Variants in KCNMB2 observed in about 807,000 individuals in gnomAD.
The protein encoded by KCNMB2 is potassium calcium-activated channel subfamily M regulatory beta subunit 2, also known as calcium-activated potassium channel subunit beta-2.
In KCNMB2, 9 loss-of-function variants were observed where a neutral mutation model predicts 24.5. That is an observed-to-expected ratio of 0.37 (90% CI 0.22 to 0.64). The LOEUF is 0.64. KCNMB2 is among the 30% of genes least tolerant of loss of function. The pLI, the probability that KCNMB2 is intolerant of heterozygous loss-of-function variation, is 0.63. For missense variants in KCNMB2, 226 were observed against 284.3 expected, an observed-to-expected ratio of 0.79 and a Z score of 1.47; for synonymous variants, 109 against 104.4, an observed-to-expected ratio of 1.04 and a Z score of -0.27.
intron 1 of KCNMB2, among the ~76,000 whole-genome samples, chr3:178,792,356 G>C (rs1216918809): frequency 1.3e-5 from 2 of 151,946 alleles, no homozygotes; most frequent in Non-Finnish European, 2.9e-5. Flanking sequence ...AAAATAATGG[G>C]TTATAAGATG....
chr3:178,803,994 T>C lies in KCNMB2; in HGVS notation c.-67-3349T>C, dbSNP rs536006316. Among the ~76,000 whole-genome samples the C allele has an allele frequency of 4.6e-5, 7 of 152,332 alleles. 1 individual carries two copies. The highest frequency in any genetic ancestry group is 1.7e-4 in the African/African-American group (7 of 41,580). The stretch of plus-strand genomic sequence containing the variant: ...CACATCATACTCATCTGCAGTTACA[T>C]AGGAATGGTTCTGCCAGGTTCACTC... On this transcript the variant is annotated intron_variant, in intron 1 of 4. Transcript: ENST00000452583.
chr3:178,759,402 GATATATAT>G (rs1279082295), intron 1 of KCNMB2, among the ~76,000 whole-genome samples: 2 of 12,278 alleles, frequency 1.6e-4, no homozygotes, highest in African/African-American at 4.8e-4. Context: ...TCTCCAAGAG[GATATATAT>G]ATATATATAT....
intron 2 of KCNMB2, among the ~76,000 whole-genome samples, chr3:178,817,398 G>A (rs979018704): frequency 2.0e-5 from 3 of 152,006 alleles, no homozygotes. Flanking sequence ...ACTAATTTAA[G>A]ATGAGGATAT....
chr3:178,600,980 G>A (rs538671234), intron 1 of KCNMB2, among the ~76,000 whole-genome samples: 5 of 152,212 alleles, frequency 3.3e-5, no homozygotes, highest in South Asian at 2.1e-4. Context: ...TAAAGAAAAT[G>A]TGGAACATAT....
intron 1 of KCNMB2, among the ~76,000 whole-genome samples, chr3:178,619,602 T>C (rs1718837032): frequency 6.6e-6 from 1 of 152,254 alleles, no homozygotes; most frequent in South Asian, 2.1e-4. Flanking sequence ...TATTTCTGCT[T>C]GCGACAATTA....
intron 1 of KCNMB2, among the ~76,000 whole-genome samples, chr3:178,697,000 T>C (rs1211419964): frequency 1.3e-5 from 2 of 152,136 alleles, no homozygotes; most frequent in East Asian, 3.9e-4. Context: ...TATTCTACAT[T>C]TGCTGAGGAG....
intron 1 of KCNMB2, among the ~76,000 whole-genome samples, chr3:178,734,096 C>T (rs761684362): frequency 3.3e-5 from 5 of 152,114 alleles, no homozygotes; most frequent in African/African-American, 4.8e-5. Flanking sequence ...CAGATTTTTT[C>T]AGGTTTTGAA....
intron 1 of KCNMB2, among the ~76,000 whole-genome samples, chr3:178,553,668 G>C (rs1716031361): frequency 6.6e-6 from 1 of 151,908 alleles, no homozygotes; most frequent in South Asian, 2.1e-4. Context: ...CTCCCAGGGA[G>C]CAGAGATTAT....
intron 1 of KCNMB2, among the ~76,000 whole-genome samples, chr3:178,699,011 G>C (rs1018441699): frequency 1.3e-5 from 2 of 152,250 alleles, no homozygotes; most frequent in Non-Finnish European, 2.9e-5. Context: ...TGCAGCAGCT[G>C]CAGCAGAGTG....
At chr3:178,638,820 C>T (rs962857519) in intron 1 of KCNMB2, among the ~76,000 whole-genome samples, 1 of 152,248 alleles carries the variant, frequency 6.6e-6, no homozygotes, top group Admixed American at 6.5e-5. Flanking sequence ...CTACCAAATG[C>T]TTGTAGACTT....
intron 1 of KCNMB2, among the ~76,000 whole-genome samples, chr3:178,805,543 G>T (rs1336277572): frequency 1.3e-5 from 2 of 152,194 alleles, no homozygotes; most frequent in African/African-American, 4.8e-5. Context: ...AGCAATATCA[G>T]CATCGCTTGA....
intron 1 of KCNMB2, chr3:178,537,510 G>A (rs1312995721): frequency 6.6e-6 from 1 of 152,228 alleles, no homozygotes; most frequent in East Asian, 1.9e-4. Context: ...TCAAAGATGG[G>A]AGGGGCAGTT....
intron 1 of KCNMB2, among the ~76,000 whole-genome samples, chr3:178,607,628 C>CGTGTGTGTGT (rs143508589): frequency 3.4e-5 from 5 of 147,358 alleles, no homozygotes; most frequent in African/African-American, 1.2e-4. Flanking sequence ...ATTGTGCATG[C>CGTGTGTGTGT]GTGTGTGTGT....
intron 2 of KCNMB2, among the ~76,000 whole-genome samples, chr3:178,813,294 T>G (rs1307903549): frequency 6.6e-6 from 1 of 152,070 alleles, no homozygotes; most frequent in Non-Finnish European, 1.5e-5. Flanking sequence ...TATTTATTCA[T>G]GAATTATATC....
rs936259697 is a variant in KCNMB2, at chr3:178,571,215, T to C, written c.-68+34504T>C. Reference sequence around the variant, plus strand: ...ATGTGTAGCAGAGTCTTTTGTGATTTTTTTTTTAATCAAGCTTCACGGCTT... The same window carrying C: ...ATGTGTAGCAGAGTCTTTTGTGATTCTTTTTTTAATCAAGCTTCACGGCTT... On this transcript the variant is annotated intron_variant, in intron 1 of 4. Transcript: ENST00000452583. Among the ~76,000 whole-genome samples the C allele has an allele frequency of 4.1e-4, 62 of 151,926 alleles. 1 individual carries two copies. Among genetic ancestry groups the C allele is most frequent in the Non-Finnish European group, 6.5e-4 (44 of 67,982 alleles).
chr3:178,595,697 T>C (rs1452781411), intron 1 of KCNMB2, among the ~76,000 whole-genome samples: 1 of 152,110 alleles, frequency 6.6e-6, no homozygotes, highest in African/African-American at 2.4e-5. Context: ...GTAAGTTTCC[T>C]GAGGCCTCCC....
At position 178,843,234 on chromosome 3, in the gene KCNMB2, C is replaced by A. The variant is rs1047407945; in HGVS notation, c.*297C>A. On this transcript the variant is annotated 3_prime_UTR_variant, in exon 5 of 5. Transcript: ENST00000452583. ...AGGGCTCAGTTATTCATTTGCCAAG[C>A]TTCGTGGAGGAATGTAGGTGACATC... 2.0e-6 allele frequency: 1 copy of A among 502,814 alleles called. No homozygotes were observed. The highest frequency in any genetic ancestry group is 5.6e-5 in the East Asian group (1 of 17,922). The allele number at this position is 502,814 out of a possible 1,614,324, so 31.1% of individuals were successfully genotyped here. A position where few individuals can be genotyped will look rare whatever the true frequency, so the allele number is the denominator to read the frequency against.
intron 1 of KCNMB2, among the ~76,000 whole-genome samples, chr3:178,789,239 T>C (rs1222084076): frequency 2.0e-5 from 3 of 152,316 alleles, no homozygotes; most frequent in Non-Finnish European, 2.9e-5. Flanking sequence ...TGAGCAGCAG[T>C]TGTTTTACAT....
At chr3:178,559,224 T>G (rs534849894) in intron 1 of KCNMB2, among the ~76,000 whole-genome samples, 3 of 152,122 alleles carry the variant, frequency 2.0e-5, no homozygotes, top group Non-Finnish European at 4.4e-5. Context: ...CTTGTGAGAA[T>G]GGTTTTTTTC....
Sources: gnomAD v4.1 joint callset for allele counts (sites outside exome capture counted in the v4.1 genomes callset) on GRCh38, gnomAD v4.1.1 for gene constraint, MANE v1.5 for transcripts, NCBI Gene and HGNC (gene_info 2026-07-23, HGNC 2026-07-21) for gene names.